The following SLC10A7 variants were observed in gnomAD, a reference collection of about 807,000 sequenced individuals.
SLC10A7 encodes the protein sodium/bile acid cotransporter 7.
SLC10A7 carries 29 observed loss-of-function variants against 43.2 expected under a neutral mutation model. The observed-to-expected ratio is 0.67, with a 90% CI of 0.50 to 0.92. The LOEUF is 0.92. Ranked by LOEUF, SLC10A7 falls within the 40% of genes least tolerant of loss-of-function variation. SLC10A7 has a pLI of 0.00. For synonymous variants in SLC10A7, 152 were observed against 144.8 expected, an observed-to-expected ratio of 1.05 and a Z score of -0.35; for missense variants, 295 against 403.2, an observed-to-expected ratio of 0.73 and a Z score of 2.30.
intron 5 of SLC10A7, among the ~76,000 whole-genome samples, chr4:146,345,478 C>G (rs1200452754): frequency 6.6e-6 from 1 of 152,144 alleles, no homozygotes; most frequent in Non-Finnish European, 1.5e-5. Flanking sequence ...CCACCTGGCT[C>G]TCTATACGCT....
At chr4:146,315,049 T>C (rs1389528670) in intron 6 of SLC10A7, among the ~76,000 whole-genome samples, 1 of 152,074 alleles carries the variant, frequency 6.6e-6, no homozygotes, top group Non-Finnish European at 1.5e-5. Context: ...TTCCTCTTCT[T>C]AGAGTAAGCA....
intron 5 of SLC10A7, among the ~76,000 whole-genome samples, chr4:146,341,983 A>G (rs554836241): frequency 6.6e-6 from 1 of 151,936 alleles, no homozygotes; most frequent in South Asian, 2.1e-4. Context: ...CTCCCTCTCA[A>G]CTCAGAAACA....
intron 9 of SLC10A7, among the ~76,000 whole-genome samples, chr4:146,292,285 A>G (rs1239766283): frequency 6.6e-6 from 1 of 152,228 alleles, no homozygotes; most frequent in African/African-American, 2.4e-5. Flanking sequence ...AATGCATAAC[A>G]AAAGTTGGGT....
chr4:146,283,608 A>G (rs1729689408), intron 9 of SLC10A7, among the ~76,000 whole-genome samples: 1 of 152,204 alleles, frequency 6.6e-6, no homozygotes. Flanking sequence ...GTGGCTTGAA[A>G]GGATAAATAT....
In SLC10A7 at chr4:146,403,967, A is replaced by G. The variant is rs535058039; in HGVS notation, c.435+38816T>C. Among the ~76,000 whole-genome samples, 12 of 152,294 alleles carry G rather than the reference A, an allele frequency of 7.9e-5. No individual in the cohort carries two copies. In the South Asian group the frequency reaches 2.5e-3, roughly 32 times the overall value. ...GTTATTCTAAATGTTTTCAATTTTT[A>G]TCCATATTGCTAAATTACCAAATAG... On this transcript the variant is annotated intron_variant, in intron 5 of 11. Coordinates refer to ENST00000335472, the MANE Select transcript of SLC10A7 (RefSeq NM_001029998.6).
chr4:146,489,130 C>A (rs1192663469), intron 4 of SLC10A7, among the ~76,000 whole-genome samples: 1 of 152,204 alleles, frequency 6.6e-6, no homozygotes, highest in Non-Finnish European at 1.5e-5. Context: ...GCGAAAGCTT[C>A]CTGAAAGGAG....
chr4:146,268,136 G>A (rs1728679464), intron 10 of SLC10A7, among the ~76,000 whole-genome samples: 1 of 152,150 alleles, frequency 6.6e-6, no homozygotes, highest in Non-Finnish European at 1.5e-5. Context: ...TTCCTGTCGA[G>A]CCTTCCTATT....
intron 10 of SLC10A7, among the ~76,000 whole-genome samples, chr4:146,260,618 A>T (rs78421243): frequency 0.022 from 3,318 of 152,304 alleles, 107 homozygotes; most frequent in African/African-American, 0.076. Context: ...ATAAGTAAAC[A>T]AAAAGTTCTA....
chr4:146,498,962 T>C (rs1042958185), intron 4 of SLC10A7, among the ~76,000 whole-genome samples: 1 of 152,188 alleles, frequency 6.6e-6, no homozygotes, highest in Non-Finnish European at 1.5e-5. Flanking sequence ...AATTTCCTCC[T>C]ACGTTCTATA....
intron 4 of SLC10A7, among the ~76,000 whole-genome samples, chr4:146,451,250 A>AAAAAAAAAAAC (rs1480394677): frequency 6.7e-6 from 1 of 148,316 alleles, no homozygotes; most frequent in Non-Finnish European, 1.5e-5. Flanking sequence ...AAAAAAAAAA[A>AAAAAAAAAAAC]CAAAAAAAAA....
chr4:146,436,210 C>T (rs1325506932), intron 5 of SLC10A7, among the ~76,000 whole-genome samples: 1 of 152,050 alleles, frequency 6.6e-6, no homozygotes, highest in Non-Finnish European at 1.5e-5. Flanking sequence ...CAAGTCCTGC[C>T]AGACAGCATA....
chr4:146,326,003 G>A lies in SLC10A7; in HGVS notation c.436-7C>T, dbSNP rs1369811757. On this transcript the variant is annotated splice_region_variant and splice_polypyrimidine_tract_variant and intron_variant, in intron 5 of 11. Coordinates refer to ENST00000335472, the MANE Select transcript of SLC10A7 (RefSeq NM_001029998.6). Reference sequence around the variant, plus strand: ...GGGGTGTTATAACGATGCCCTGAAAGAAATAAAAGAGAGGATGATCATTTA... The same window carrying A: ...GGGGTGTTATAACGATGCCCTGAAAAAAATAAAAGAGAGGATGATCATTTA... 6.2e-7 allele frequency: 1 copy of A among 1,610,312 alleles called. No individual in the cohort carries two copies. The highest frequency in any genetic ancestry group is 8.5e-7 in the Non-Finnish European group (1 of 1,178,476).
chr4:146,520,553 T>A (rs560439532), intron 1 of SLC10A7, among the ~76,000 whole-genome samples: 1 of 152,172 alleles, frequency 6.6e-6, no homozygotes, highest in South Asian at 2.1e-4. Context: ...GGGGTGGAGG[T>A]TAAGGGGAGA....
chr4:146,308,283 A>G (rs1329171657), intron 6 of SLC10A7, among the ~76,000 whole-genome samples: 7 of 152,126 alleles, frequency 4.6e-5, no homozygotes, highest in African/African-American at 1.4e-4. Flanking sequence ...AAACCTCAGT[A>G]CTGGAGTCTA....
At chr4:146,451,967 G>A (rs941142117) in intron 4 of SLC10A7, among the ~76,000 whole-genome samples, 1 of 152,018 alleles carries the variant, frequency 6.6e-6, no homozygotes, top group Admixed American at 6.6e-5. Context: ...ATAAACGCCA[G>A]CAGCCTCTAC....
At chr4:146,392,090 G>A (rs1738473179) in intron 5 of SLC10A7, among the ~76,000 whole-genome samples, 1 of 152,120 alleles carries the variant, frequency 6.6e-6, no homozygotes. Context: ...CGGAGCTCAG[G>A]GGATGCTCAG....
At chr4:146,449,663 C>T (rs781360745) in intron 4 of SLC10A7, among the ~76,000 whole-genome samples, 1 of 151,912 alleles carries the variant, frequency 6.6e-6, no homozygotes, top group African/African-American at 2.4e-5. Context: ...AATAAAAACA[C>T]AAACCACCAC....
intron 5 of SLC10A7, among the ~76,000 whole-genome samples, chr4:146,344,134 A>C (rs1734451635): frequency 1.3e-5 from 2 of 152,074 alleles, no homozygotes; most frequent in South Asian, 4.1e-4. Flanking sequence ...AGATAAACAC[A>C]GTTAAGTTGC....
At chr4:146,320,484 G>A (rs913774757) in intron 6 of SLC10A7, among the ~76,000 whole-genome samples, 1 of 151,948 alleles carries the variant, frequency 6.6e-6, no homozygotes. Flanking sequence ...TTTGATTTTG[G>A]GAATAAATCA....
Sources: allele counts gnomAD v4.1 joint callset (sites outside exome capture counted in the v4.1 genomes callset), GRCh38; gene constraint gnomAD v4.1.1; transcripts MANE v1.5; gene names NCBI Gene and HGNC (gene_info 2026-07-23, HGNC 2026-07-21).